The following PRKCB variants were observed in gnomAD, a reference collection of about 807,000 sequenced individuals.
PRKCB encodes protein kinase C beta.
Under a neutral mutation model 81.5 loss-of-function variants are expected in PRKCB, and 13 were observed. The observed-to-expected ratio is 0.16, with a 90% confidence interval of 0.10 to 0.25. The LOEUF (loss-of-function observed/expected upper bound fraction) is 0.25, where lower values mean the gene tolerates loss of function less well. Ranked by LOEUF, PRKCB falls within the 10% of genes least tolerant of loss-of-function variation. The pLI is 1.00. For synonymous variants in PRKCB, 335 were observed against 321.4 expected (o/e 1.04, Z -0.45); for missense variants, 509 against 875.7 (o/e 0.58, Z 5.29).
intron 3 of PRKCB, 43 bp from the exon 4 acceptor site, chr16:24,032,093 C>T (rs1965557463): frequency 2.1e-6 from 3 of 1,399,532 alleles, no homozygotes; most frequent in South Asian, 1.2e-5. Flanking sequence ...CGTTGGCATG[C>T]TCCACTGACG....
intron 2 of PRKCB, among the ~76,000 whole-genome samples, chr16:23,921,667 G>A (rs561683790): frequency 6.6e-5 from 10 of 152,150 alleles, no homozygotes; most frequent in East Asian, 1.9e-4. Context: ...TGGGTGTGGC[G>A]GCACCCATCT....
chr16:24,214,965 T>A lies in PRKCB; in HGVS notation c.*149T>A. 2 of 1,469,944 alleles carry A rather than the reference T, an allele frequency of 1.4e-6. No homozygotes were observed. 91.1% of individuals were successfully genotyped at this position (1,469,944 alleles called of 1,614,324 possible). ...ACAGTGTTTCAGAACCCAAATGTCC[T>A]CAGGTAGTTTGGAGCATCTCTATGA... On this transcript the variant is annotated 3_prime_UTR_variant, in exon 17 of 17. Transcript: ENST00000643927.
intron 2 of PRKCB, among the ~76,000 whole-genome samples, chr16:23,837,973 T>C (rs1378100037): frequency 1.3e-5 from 2 of 152,170 alleles, no homozygotes; most frequent in Non-Finnish European, 2.9e-5. Context: ...ATCTTCTGGG[T>C]TGAAACAGAA....
intron 2 of PRKCB, among the ~76,000 whole-genome samples, chr16:23,892,155 C>T (rs551268673): frequency 6.6e-6 from 1 of 152,204 alleles, no homozygotes; most frequent in South Asian, 2.1e-4. Context: ...TTACTGGGAG[C>T]CCTTGAGAGA....
intron 10 of PRKCB, among the ~76,000 whole-genome samples, chr16:24,170,509 C>T (rs528453005): frequency 2.0e-4 from 31 of 151,872 alleles, no homozygotes; most frequent in African/African-American, 7.2e-4. Context: ...AGGAACGTAG[C>T]GTAAAGGAGA....
chr16:24,212,372 A>T (rs928998499), intron 16 of PRKCB, among the ~76,000 whole-genome samples: 1 of 112,692 alleles, frequency 8.9e-6, no homozygotes. Flanking sequence ...TACTCTTGTT[A>T]TCTCTTTCCA....
At chr16:24,172,576 T>C (rs1481216237) in intron 11 of PRKCB, among the ~76,000 whole-genome samples, 2 of 152,128 alleles carry the variant, frequency 1.3e-5, no homozygotes, top group Non-Finnish European at 2.9e-5. Context: ...ACAGACACCA[T>C]GGCTCATACC....
At chr16:23,963,731 T>A (rs1252318230) in intron 2 of PRKCB, 1 of 152,158 alleles carries the variant, frequency 6.6e-6, no homozygotes, top group Non-Finnish European at 1.5e-5. Context: ...AGAGCCTCAT[T>A]AAGGTTAGCA....
At chr16:24,047,337 A>G (rs1596527156) in intron 5 of PRKCB, among the ~76,000 whole-genome samples, 1 of 151,848 alleles carries the variant, frequency 6.6e-6, no homozygotes, top group Non-Finnish European at 1.5e-5. Flanking sequence ...GTGAGACTCC[A>G]TCTCAAAAAA....
intron 3 of PRKCB, among the ~76,000 whole-genome samples, chr16:24,012,800 C>T (rs1451111720): frequency 6.6e-6 from 1 of 152,206 alleles, no homozygotes; most frequent in Non-Finnish European, 1.5e-5. Flanking sequence ...TGAGGCCCTG[C>T]GTGCTCTGGC....
chr16:24,037,577 C>T (rs554050773), intron 5 of PRKCB, among the ~76,000 whole-genome samples: 20 of 152,090 alleles, frequency 1.3e-4, no homozygotes, highest in Non-Finnish European at 2.2e-4. Flanking sequence ...AGTTTAGTTT[C>T]GTTTCGTTTC....
intron 5 of PRKCB, among the ~76,000 whole-genome samples, chr16:24,075,379 GA>G (rs1467488789): frequency 6.6e-6 from 1 of 152,196 alleles, no homozygotes; most frequent in Non-Finnish European, 1.5e-5. Flanking sequence ...GTAGGGAAGA[GA>G]CAGGAGGAAA....
At chr16:23,857,585 C>T (rs983470412) in intron 2 of PRKCB, among the ~76,000 whole-genome samples, 3 of 152,092 alleles carry the variant, frequency 2.0e-5, no homozygotes, top group African/African-American at 4.8e-5. Flanking sequence ...CCCTTCTGGC[C>T]GTCTCTGATT....
At chr16:23,914,521 G>T (rs983532546) in intron 2 of PRKCB, among the ~76,000 whole-genome samples, 2 of 152,190 alleles carry the variant, frequency 1.3e-5, no homozygotes, top group Non-Finnish European at 2.9e-5. Context: ...TCTGGAGTGA[G>T]ATTTCTCTGT....
intron 5 of PRKCB, among the ~76,000 whole-genome samples, chr16:24,065,349 T>G (rs574680269): frequency 6.6e-6 from 1 of 151,942 alleles, no homozygotes; most frequent in Non-Finnish European, 1.5e-5. Context: ...TTCTATTAAC[T>G]AATTAGTCAT....
intron 9 of PRKCB, among the ~76,000 whole-genome samples, chr16:24,142,006 A>C (rs1186093585): frequency 6.6e-6 from 1 of 152,192 alleles, no homozygotes; most frequent in Admixed American, 6.5e-5. Context: ...CCTTCAAATT[A>C]ATAATTATGG....
At chr16:23,990,461 A>T (rs1250806849) in intron 3 of PRKCB, among the ~76,000 whole-genome samples, 1 of 151,510 alleles carries the variant, frequency 6.6e-6, no homozygotes, top group Non-Finnish European at 1.5e-5. Context: ...CTGTCTCGAA[A>T]AAAAAGAAAA....
intron 2 of PRKCB, among the ~76,000 whole-genome samples, chr16:23,970,286 A>G (rs528018636): frequency 3.7e-4 from 56 of 152,286 alleles, no homozygotes; most frequent in African/African-American, 1.3e-3. Flanking sequence ...CTTCACCCTC[A>G]TTTGTACATA....
chr16:23,934,021 T>TCATCCATCCATCCATCCATCCATC (rs67394616), intron 2 of PRKCB, among the ~76,000 whole-genome samples: 2 of 142,378 alleles, frequency 1.4e-5, no homozygotes, highest in African/African-American at 2.7e-5. Flanking sequence ...TTCTACCCAC[T>TCATCCATCCATCCATCCATCCATC]CATCCATCCA....
Sources: allele counts gnomAD v4.1 joint callset (sites outside exome capture counted in the v4.1 genomes callset), GRCh38; gene constraint gnomAD v4.1.1; transcripts MANE v1.5; gene names NCBI Gene and HGNC (gene_info 2026-07-23, HGNC 2026-07-21).